RELN: variants seen among roughly 807,000 people sequenced by gnomAD.
The protein encoded by RELN is reelin.
A neutral mutation model predicts 427.6 loss-of-function variants in RELN; 108 were observed. That is an observed-to-expected ratio of 0.25 (90% CI 0.22 to 0.30). The LOEUF (loss-of-function observed/expected upper bound fraction) is 0.30, where lower values mean the gene tolerates loss of function less well. Ranked by LOEUF, RELN falls within the 10% of genes least tolerant of loss-of-function variation. The pLI is 1.00. For missense variants in RELN, 3,715 were observed against 4,302.8 expected (o/e 0.86, Z 3.82); for synonymous variants, 1,524 against 1,513.4 (o/e 1.01, Z -0.16).
chr7:103,650,151 A>G (rs1434062461), intron 16 of RELN, 123 bp downstream of exon 16: 4 of 739,590 alleles, frequency 5.4e-6, no homozygotes, highest in Non-Finnish European at 9.9e-6. Flanking sequence ...GAAATGGAAG[A>G]AAGGGTGTTT....
At chr7:103,655,527 A>G (rs1239635064) in intron 12 of RELN, among the ~76,000 whole-genome samples, 2 of 152,114 alleles carry the variant, frequency 1.3e-5, no homozygotes, top group Admixed American at 1.3e-4. Context: ...TTGATATTAA[A>G]TAAACTAAGA....
At chr7:103,976,768 C>T (rs1287519029) in intron 1 of RELN, among the ~76,000 whole-genome samples, 1 of 152,184 alleles carries the variant, frequency 6.6e-6, no homozygotes, top group Non-Finnish European at 1.5e-5. Context: ...GAATGGTCAA[C>T]CTCCTGGCCT....
intron 11 of RELN, among the ~76,000 whole-genome samples, chr7:103,676,526 A>T (rs551847908): frequency 2.6e-5 from 4 of 152,110 alleles, no homozygotes; most frequent in African/African-American, 7.3e-5. Flanking sequence ...TTGACCCAGC[A>T]ATCCCATTAC....
intron 13 of RELN, among the ~76,000 whole-genome samples, chr7:103,652,983 CT>C (rs1832954520): frequency 1.3e-5 from 2 of 152,030 alleles, no homozygotes; most frequent in South Asian, 4.1e-4. Flanking sequence ...GTGGGGGTCT[CT>C]GCGTGTGTTT....
chr7:103,704,792 G>A (rs1834166149), intron 8 of RELN, among the ~76,000 whole-genome samples: 1 of 151,880 alleles, frequency 6.6e-6, no homozygotes, highest in South Asian at 2.1e-4. Flanking sequence ...TCCAGTGATT[G>A]CCTCCACTTT....
At chr7:103,608,078 G>T (rs362640) in intron 22 of RELN, among the ~76,000 whole-genome samples, 4,308 of 152,164 alleles carry the variant, frequency 0.028, 201 homozygotes, top group African/African-American at 0.098. Flanking sequence ...ATTTATAATT[G>T]CATATGTTTA....
chr7:103,814,797 T>C (rs1206554950), intron 3 of RELN, among the ~76,000 whole-genome samples: 2 of 152,142 alleles, frequency 1.3e-5, no homozygotes, highest in Non-Finnish European at 2.9e-5. Context: ...GGGCCTCAGT[T>C]TCCTCATTTT....
intron 57 of RELN, among the ~76,000 whole-genome samples, chr7:103,493,483 C>G (rs1035724151): frequency 6.6e-6 from 1 of 151,982 alleles, no homozygotes; most frequent in African/African-American, 2.4e-5. Context: ...TGTGTAGGGG[C>G]TATTAAAATA....
intron 6 of RELN, among the ~76,000 whole-genome samples, chr7:103,748,816 C>T (rs942699654): frequency 6.6e-6 from 1 of 152,144 alleles, no homozygotes; most frequent in Admixed American, 6.5e-5. Flanking sequence ...AGATATTGTT[C>T]CAAATTATGC....
intron 2 of RELN, among the ~76,000 whole-genome samples, chr7:103,912,201 C>CTTT (rs71923959): frequency 6.9e-5 from 10 of 144,502 alleles, no homozygotes; most frequent in Admixed American, 2.1e-4. Flanking sequence ...TCACTTTAAG[C>CTTT]TTTTTTTTTT....
chr7:103,814,579 G>A (rs778284303), intron 3 of RELN, among the ~76,000 whole-genome samples: 1 of 152,136 alleles, frequency 6.6e-6, no homozygotes, highest in Non-Finnish European at 1.5e-5. Context: ...GTCTTCAAGT[G>A]CTATGCCTTG....
Position 103,643,455 on chromosome 7 carries a change from G to T in RELN, c.2003-2846C>A, listed in dbSNP as rs112227718. On this transcript the variant is annotated intron_variant, in intron 16 of 64. Transcript: ENST00000428762. ...CTTCTGTTTGTAAGTCCTTATTAAG[G>T]GTGTCTTCCTAAGAAACTGAATTTG... is the stretch of plus-strand genomic sequence containing the variant. 2.9e-3 allele frequency among the ~76,000 whole-genome samples: 434 copies of T among 151,948 alleles called. 2 individuals carry two copies. Among genetic ancestry groups the T allele is most frequent in the African/African-American group, 9.8e-3 (405 of 41,458 alleles).
At chr7:103,785,005 A>T (rs1458016602) in intron 3 of RELN, among the ~76,000 whole-genome samples, 1 of 152,174 alleles carries the variant, frequency 6.6e-6, no homozygotes, top group East Asian at 1.9e-4. Context: ...AGATGATTAG[A>T]TGATAATAAT....
At chr7:103,903,454 C>G (rs1395400201) in intron 2 of RELN, among the ~76,000 whole-genome samples, 3 of 152,102 alleles carry the variant, frequency 2.0e-5, no homozygotes, top group African/African-American at 7.2e-5. Context: ...TGTTCATTCT[C>G]TGTCAGTCAT....
intron 2 of RELN, among the ~76,000 whole-genome samples, chr7:103,834,473 G>A (rs1793352489): frequency 6.6e-6 from 1 of 152,176 alleles, no homozygotes; most frequent in Non-Finnish European, 1.5e-5. Context: ...TTCAAAATGA[G>A]AACATCATGG....
intron 2 of RELN, among the ~76,000 whole-genome samples, chr7:103,915,723 TG>T (rs1363668484): frequency 6.6e-6 from 1 of 152,182 alleles, no homozygotes. Context: ...TTCCAAATAT[TG>T]CATACTTATA....
At chr7:103,571,273 G>A (rs1011113798) in intron 31 of RELN, among the ~76,000 whole-genome samples, 4 of 152,156 alleles carry the variant, frequency 2.6e-5, no homozygotes, top group African/African-American at 9.6e-5. Flanking sequence ...GTTTGGAGGA[G>A]GATGCATCTG....
chr7:103,486,790 A>G (rs1011688277), intron 60 of RELN, among the ~76,000 whole-genome samples: 38 of 152,346 alleles, frequency 2.5e-4, no homozygotes, highest in Non-Finnish European at 8.8e-5. Context: ...AAATAGGAAC[A>G]CTTTTACACT....
In RELN at chr7:103,904,941, C is replaced by T. The variant is rs543454555; in HGVS notation, c.337+12134G>A. 1.7e-4 allele frequency among the ~76,000 whole-genome samples: 25 copies of T among 146,674 alleles called. No individual in the cohort carries two copies. The South Asian group carries it at 3.7e-3, about 22-fold the overall frequency. Reference sequence around the variant, plus strand: ...TAAGACACCAACATGCTGTAAGATACGAGGCTGGACTGCCAATCCCTTGAA... The same window carrying T: ...TAAGACACCAACATGCTGTAAGATATGAGGCTGGACTGCCAATCCCTTGAA... On this transcript the variant is annotated intron_variant, in intron 2 of 64. Coordinates refer to ENST00000428762, the MANE Select transcript of RELN (RefSeq NM_005045.4).
Sources: allele counts gnomAD v4.1 joint callset (sites outside exome capture counted in the v4.1 genomes callset), GRCh38; gene constraint gnomAD v4.1.1; transcripts MANE v1.5; gene names NCBI Gene and HGNC (gene_info 2026-07-23, HGNC 2026-07-21).